NOTCH2: variants seen among roughly 807,000 people sequenced by gnomAD.
NOTCH2 encodes the protein notch receptor 2, also known as neurogenic locus notch homolog protein 2.
Under a neutral mutation model 235.8 loss-of-function variants are expected in NOTCH2, and 29 were observed. That is an observed-to-expected ratio of 0.12 (90% confidence interval 0.09 to 0.17). NOTCH2 has a LOEUF of 0.17. NOTCH2 is among the 10% of genes least tolerant of loss of function. The pLI, the probability that NOTCH2 is intolerant of heterozygous loss-of-function variation, is 1.00. For synonymous variants in NOTCH2, 1,086 were observed against 1,141.5 expected, an observed-to-expected ratio of 0.95 and a Z score of 0.98; for missense variants, 2,285 against 3,150.2, an observed-to-expected ratio of 0.73 and a Z score of 6.57.
intron 2 of NOTCH2, among the ~76,000 whole-genome samples, chr1:120,006,537 GT>G (rs1320121706): frequency 6.8e-6 from 1 of 148,088 alleles, no homozygotes; most frequent in Non-Finnish European, 1.5e-5. Context: ...TCATAATGAA[GT>G]TGTTTAAATG....
At position 119,925,320 on chromosome 1, in the gene NOTCH2, T is replaced by C. The variant is rs772085209; in HGVS notation, c.4496A>G (p.Asn1499Ser). The C allele has an allele frequency of 1.2e-6, 2 of 1,613,830 alleles. No homozygotes were observed. Among genetic ancestry groups the C allele is most frequent in the African/African-American group, 1.3e-5 (1 of 74,926 alleles). The change falls in exon 25 of 34, where the codon AAC becomes AGC. Residue 1499 changes from asparagine to serine, a missense_variant. Physicochemically the swap from Asn to Ser is conservative, Grantham distance 46 (BLOSUM62 1). Transcript: ENST00000256646. Reference protein sequence around the residue: ...CLFDNFECQGNSKTCKYDKYC... With the variant: ...CLFDNFECQGSSKTCKYDKYC... ...AAGCCCTTACTTGCATGTCTTGCTG[T>C]TCCCCTGGCATTCAAAGTTGTCAAA...
intron 12 of NOTCH2, among the ~76,000 whole-genome samples, chr1:119,957,493 G>A (rs1553198476): frequency 6.6e-6 from 1 of 151,978 alleles, no homozygotes; most frequent in African/African-American, 2.4e-5. Flanking sequence ...AGAATGATAT[G>A]GGAAAAATAT....
At chr1:120,007,145 C>T (rs587626428) in intron 2 of NOTCH2, among the ~76,000 whole-genome samples, 853 of 151,566 alleles carry the variant, frequency 5.6e-3, no homozygotes, top group African/African-American at 0.02. Flanking sequence ...TAGCTACAGA[C>T]CAACAGGCAG....
intron 29 of NOTCH2, among the ~76,000 whole-genome samples, chr1:119,920,883 T>C (rs963001256): frequency 6.6e-6 from 1 of 152,194 alleles, no homozygotes; most frequent in African/African-American, 2.4e-5. Context: ...CAACATGTAG[T>C]AAGCACTCAG....
Position 119,948,547 on chromosome 1 carries a change from G to A in NOTCH2, c.2619C>T (p.Asp873=). The change falls in exon 17 of 34, where the codon GAC becomes GAT. Residue 873 remains aspartate (D), a synonymous_variant. Transcript: ENST00000256646. ...AGGGCTTGGAGATACACTCGTCAATGTCAATGGTACACCGCTGACCTAGGA... is the reference window on the plus strand; with the variant it reads ...AGGGCTTGGAGATACACTCGTCAATATCAATGGTACACCGCTGACCTAGGA... The part of the protein sequence containing the change: ...PGWQGQRCTI[D]IDECISKPCM... 1.9e-6 allele frequency: 3 copies of A among 1,614,226 alleles called. No individual in the cohort carries two copies. Among genetic ancestry groups the A allele is most frequent in the Non-Finnish European group, 1.7e-6 (2 of 1,180,036 alleles).
intron 17 of NOTCH2, 120 bp from the exon 18 acceptor site, chr1:119,941,874 T>A (rs1650076798): frequency 1.2e-6 from 1 of 802,628 alleles, no homozygotes; most frequent in South Asian, 1.5e-5. Context: ...ACTTTTTCAT[T>A]CAATTTTGCC....
At chr1:119,951,349 G>A (rs782651170) in intron 14 of NOTCH2, among the ~76,000 whole-genome samples, 21 of 152,020 alleles carry the variant, frequency 1.4e-4, no homozygotes, top group Admixed American at 1.1e-3. Context: ...ATGAGGTCTC[G>A]TTATGTTGCC....
In NOTCH2 at chr1:119,921,929, C is replaced by T. The variant is rs1193323335; in HGVS notation, c.5214-120G>A. 3.4e-6 allele frequency: 3 copies of T among 883,034 alleles called. No homozygotes were observed. In the African/African-American group the frequency reaches 5.0e-5, roughly 15 times the overall value. The allele number at this position is 883,034 out of a possible 1,614,324, so 54.7% of individuals were successfully genotyped here. On this transcript the variant is annotated intron_variant, in intron 28 of 33. Transcript: ENST00000256646. The stretch of plus-strand genomic sequence containing the variant: ...TATTACAATTTTGCAGGGTCTTGGC[C>T]CAGAGAAGATGGGCAGTATTTTTGG...
chr1:120,041,939 GA>G (rs1654588857), intron 1 of NOTCH2, among the ~76,000 whole-genome samples: 2 of 145,264 alleles, frequency 1.4e-5, no homozygotes, highest in Non-Finnish European at 3.0e-5. Context: ...GGAAGCAAAA[GA>G]AAGAAAGGAG....
At position 119,965,458 on chromosome 1, in the gene NOTCH2, G is replaced by A; in HGVS notation, c.1676C>T (p.Ala559Val). 1 of 1,610,778 alleles carries A rather than the reference G, an allele frequency of 6.2e-7. No homozygotes were observed. The highest frequency in any genetic ancestry group is 8.5e-7 in the Non-Finnish European group (1 of 1,176,944). ...AAAAGTGAGAAGAATCTTACCTGTG[G>A]CACACTGGCATTCATAGCCATTCGG... ...DHPNGYECQC[A>V]TGFTGVLCEE... The change falls in exon 10 of 34, where the codon GCC becomes GTC. Residue 559 changes from alanine (A) to valine (V), a missense_variant. Coordinates refer to ENST00000256646, the MANE Select transcript of NOTCH2 (RefSeq NM_024408.4).
chr1:119,999,311 A>C (rs1295686102), intron 3 of NOTCH2, among the ~76,000 whole-genome samples: 29 of 147,766 alleles, frequency 2.0e-4, no homozygotes, highest in African/African-American at 7.0e-4. Flanking sequence ...GAGACACAAG[A>C]GTTTTTCTAT....
intron 29 of NOTCH2, 63 bp from the exon 30 acceptor site, chr1:119,920,460 G>A: frequency 6.4e-7 from 1 of 1,568,250 alleles, no homozygotes. Context: ...TAATCAGAAG[G>A]TGTCCAGAGC....
chr1:119,988,744 T>C (rs903572397), intron 4 of NOTCH2, among the ~76,000 whole-genome samples: 18 of 152,200 alleles, frequency 1.2e-4, no homozygotes, highest in African/African-American at 3.9e-4. Context: ...TTGAGAGGTC[T>C]GGTGGTGTAG....
intron 5 of NOTCH2, among the ~76,000 whole-genome samples, chr1:119,971,040 A>G (rs1428378158): frequency 6.6e-6 from 1 of 152,224 alleles, no homozygotes; most frequent in Non-Finnish European, 1.5e-5. Context: ...GTATCTGTAG[A>G]AGGCCTGTTA....
At chr1:120,014,418 A>T (rs190605919) in intron 2 of NOTCH2, among the ~76,000 whole-genome samples, 1 of 151,600 alleles carries the variant, frequency 6.6e-6, no homozygotes, top group East Asian at 1.9e-4. Flanking sequence ...AAAAAAAAAA[A>T]GTGTCATTTC....
At chr1:120,047,711 G>A (rs1311061061) in intron 1 of NOTCH2, among the ~76,000 whole-genome samples, 2 of 147,874 alleles carry the variant, frequency 1.4e-5, no homozygotes, top group Non-Finnish European at 3.0e-5. Flanking sequence ...CAGTCATCTT[G>A]TCTTTGTACT....
At chr1:119,974,149 C>A (rs1651473068) in intron 5 of NOTCH2, among the ~76,000 whole-genome samples, 1 of 152,164 alleles carries the variant, frequency 6.6e-6, no homozygotes, top group Non-Finnish European at 1.5e-5. Context: ...GTATTGTTTC[C>A]ATGTCCTACC....
rs752668646 is a variant in NOTCH2, at chr1:119,922,651, G to C, written c.4987C>G (p.Leu1663Val). The C allele has an allele frequency of 6.2e-6, 10 of 1,614,018 alleles. No individual in the cohort carries two copies. Among genetic ancestry groups the C allele is most frequent in the Non-Finnish European group, 8.5e-6 (10 of 1,180,054 alleles). ...TGCCACTCACTGACGACAGACACAA[G>C]AGGGTATGACAGGGTCCCCTGTATG... ...HAIQGTLSYP[L>V]VSVVSESLTP... Residue 1663 changes from leucine to valine, a missense_variant, in exon 27 of 34, where the codon CTT (leucine) becomes GTT (valine). By Grantham distance (32) the Leu-to-Val change is conservative (BLOSUM62 1). Around this residue, in one of 6 missense-constraint regions of NOTCH2, gnomAD observed 1,173 missense variants for 1,515.3 expected, o/e 0.77. Transcript: ENST00000256646.
intron 5 of NOTCH2, among the ~76,000 whole-genome samples, chr1:119,986,557 AG>A (rs1281772635): frequency 6.6e-6 from 1 of 152,182 alleles, no homozygotes; most frequent in Middle Eastern, 3.2e-3. Context: ...GTGAACAAAT[AG>A]GCTCTGAACT....
Sources: allele counts gnomAD v4.1 joint callset (sites outside exome capture counted in the v4.1 genomes callset), GRCh38; gene constraint gnomAD v4.1.1; regional missense constraint gnomAD v4.1.1; transcripts MANE v1.5; gene names NCBI Gene and HGNC (gene_info 2026-07-23, HGNC 2026-07-21).